The following CDH3 variants were observed in gnomAD, a reference collection of about 807,000 sequenced individuals.
CDH3 encodes cadherin-3.
In CDH3, 54 loss-of-function variants were observed where a neutral mutation model predicts 82.0. The ratio of observed to expected loss-of-function variants is 0.66; its 90% CI spans 0.53 to 0.83. The LOEUF (loss-of-function observed/expected upper bound fraction) is 0.83. CDH3 is among the 40% of genes least tolerant of loss of function. The pLI is 0.00. For synonymous variants in CDH3, 446 were observed against 437.9 expected (o/e 1.02, Z -0.23); for missense variants, 1,054 against 1,084.6 (o/e 0.97, Z 0.40).
At chr16:68,693,244 G>T (rs1274355500) in intron 13 of CDH3, among the ~76,000 whole-genome samples, 1 of 152,190 alleles carries the variant, frequency 6.6e-6, no homozygotes, top group Non-Finnish European at 1.5e-5. Context: ...GAGCAGAGGG[G>T]TGATGTGATT....
chr16:68,726,488 A>C (rs1338918761), intron 2 of CDH3, among the ~76,000 whole-genome samples: 1 of 151,426 alleles, frequency 6.6e-6, no homozygotes, highest in Non-Finnish European at 1.5e-5. Flanking sequence ...ACAAAACCCC[A>C]CCCTGATCTT....
chr16:68,662,507 G>A (rs1354985741), intron 2 of CDH3, among the ~76,000 whole-genome samples: 2 of 149,388 alleles, frequency 1.3e-5, no homozygotes, highest in South Asian at 2.1e-4. Context: ...AGTGGCTCAC[G>A]TCTGTAATCC....
At chr16:68,710,950 AGAGGG>A (rs1201292969) in intron 1 of CDH3, among the ~76,000 whole-genome samples, 2 of 104,470 alleles carry the variant, frequency 1.9e-5, no homozygotes, top group East Asian at 7.4e-4. Flanking sequence ...GGAGGGGAGG[AGAGGG>A]GAGGGGAGGG....
chr16:68,672,156 G>T (rs894895544), intron 2 of CDH3, among the ~76,000 whole-genome samples: 1 of 147,466 alleles, frequency 6.8e-6, no homozygotes, highest in South Asian at 2.1e-4. Context: ...TTGCGCCACT[G>T]CACTCCAGCC....
chr16:68,715,422 C>CAAAAAAAAA lies in CDH3; in HGVS notation c.100-7001_100-6993dup, dbSNP rs71148937. Among the ~76,000 whole-genome samples the CAAAAAAAAA allele has an allele frequency of 1.8e-4, 26 of 141,824 alleles. 1 individual carries two copies. Among genetic ancestry groups the CAAAAAAAAA allele is most frequent in the East Asian group, 4.1e-4 (2 of 4,846 alleles). The allele number at this position is 141,824 out of a possible 152,430, so 93.0% of individuals were successfully genotyped here. A position where few individuals can be genotyped will look rare whatever the true frequency, so the allele number is the denominator to read the frequency against. On this transcript the variant is annotated intron_variant, in intron 1 of 2. Transcript: ENST00000569080. ...AGCCTGGGCGACAGAGCACGACTCT[C>CAAAAAAAAA]AAAAAAAAAAGAAAGGATTTGAATC...
At chr16:68,656,007 T>C (rs1960402363) in intron 2 of CDH3, among the ~76,000 whole-genome samples, 1 of 152,092 alleles carries the variant, frequency 6.6e-6, no homozygotes, top group African/African-American at 2.4e-5. Flanking sequence ...GCAAGGGAGT[T>C]GGGCATGAGA....
At chr16:68,662,896 T>C (rs1189909684) in intron 2 of CDH3, among the ~76,000 whole-genome samples, 11 of 138,064 alleles carry the variant, frequency 8.0e-5, no homozygotes, top group Non-Finnish European at 1.7e-4. Context: ...TTTGAGACAG[T>C]CTTGCTCTGT....
rs139565232 is a variant in CDH3, at chr16:68,682,421, C to T, written c.1116C>T (p.Asp372=). 3.3e-5 allele frequency: 53 copies of T among 1,613,978 alleles called. No homozygotes were observed. The highest frequency in any genetic ancestry group is 2.8e-4 in the African/African-American group (21 of 74,912). Residue 372 remains aspartate (D), a synonymous_variant, in exon 9 of 16, where the codon GAC becomes GAT. Coordinates refer to ENST00000264012, the MANE Select transcript of CDH3 (RefSeq NM_001793.6). ...WRATYLIMGG[D]DGDHFTITTH... ...CCACCTACCTTATCATGGGCGGTGA[C>T]GACGGGGACCATTTTACCATCACCA...
chr16:68,680,940 A>G (rs1402378119), intron 7 of CDH3, 28 bp from the exon 8 acceptor site: 12 of 1,613,572 alleles, frequency 7.4e-6, no homozygotes, highest in African/African-American at 1.3e-5. Context: ...TAAACTCACA[A>G]TGGGCTTCCC....
At chr16:68,728,228 C>G (rs1174801325), downstream of CDH3, among the ~76,000 whole-genome samples, 4 of 152,094 alleles carry the variant, frequency 2.6e-5, no homozygotes, top group Non-Finnish European at 4.4e-5. Context: ...CGCAGTGGCA[C>G]GATCTCGGCT....
At chr16:68,719,236 C>G (rs1435527393) in intron 1 of CDH3, among the ~76,000 whole-genome samples, 1 of 138,102 alleles carries the variant, frequency 7.2e-6, no homozygotes, top group Non-Finnish European at 1.5e-5. Flanking sequence ...AAGAGTGAGA[C>G]TCCGTCTCAA....
downstream of CDH3, among the ~76,000 whole-genome samples, chr16:68,703,380 C>T (rs1378111065): frequency 6.6e-6 from 1 of 152,188 alleles, no homozygotes; most frequent in East Asian, 1.9e-4. Flanking sequence ...GGTGGCCACT[C>T]AGGAAAGGGC....
chr16:68,666,779 A>G (rs1388415487), intron 2 of CDH3, among the ~76,000 whole-genome samples: 1 of 152,170 alleles, frequency 6.6e-6, no homozygotes, highest in East Asian at 1.9e-4. Flanking sequence ...CCCCCTCTGC[A>G]AAATACTTTT....
intron 1 of CDH3, among the ~76,000 whole-genome samples, chr16:68,706,485 G>A (rs1961965536): frequency 6.6e-6 from 1 of 151,778 alleles, no homozygotes; most frequent in African/African-American, 2.4e-5. Flanking sequence ...CTGGCTGCCT[G>A]GGGACAGAAC....
At position 68,699,948 on chromosome 16, in the gene CDH3, C is replaced by T. The variant is rs921430188; in HGVS notation, c.*1548C>T. ...TTATTCAGTACTTTTAAAGGCCAGACAGGACTTCGATTATTTCCTCTAAAT... is the reference window on the plus strand; with the variant it reads ...TTATTCAGTACTTTTAAAGGCCAGATAGGACTTCGATTATTTCCTCTAAAT... On this transcript the variant is annotated 3_prime_UTR_variant, in exon 16 of 16. Coordinates refer to ENST00000264012, the MANE Select transcript of CDH3 (RefSeq NM_001793.6). 1 of 152,218 alleles carries T rather than the reference C, an allele frequency of 6.6e-6. No individual in the cohort carries two copies. The highest frequency in any genetic ancestry group is 2.4e-5 in the African/African-American group (1 of 41,456). 9.4% of individuals were successfully genotyped at this position (152,218 alleles called of 1,614,324 possible). A position where few individuals can be genotyped will look rare whatever the true frequency, so the allele number is the denominator to read the frequency against.
In CDH3 at chr16:68,695,307, G is replaced by GC. The variant is rs1961686856; in HGVS notation, c.2059dup (p.Leu687ProfsTer7). 1 of 1,614,094 alleles carries GC rather than the reference G, an allele frequency of 6.2e-7. No individual in the cohort carries two copies. The highest frequency in any genetic ancestry group is 1.3e-5 in the African/African-American group (1 of 75,010). On this transcript the variant is annotated frameshift_variant, in exon 14 of 16. Transcript: ENST00000264012. LOFTEE classifies it high-confidence loss of function. ...TGAGAAAGAAGCGGAAGATCAAGGA[G>GC]CCCCTCCTACTCCCAGAAGATGACA...
At chr16:68,717,709 G>A (rs762919708) in intron 1 of CDH3, among the ~76,000 whole-genome samples, 4 of 151,674 alleles carry the variant, frequency 2.6e-5, no homozygotes, top group South Asian at 2.1e-4. Flanking sequence ...GGAGTTAGAC[G>A]TTGCAGTGAG....
chr16:68,664,071 C>T (rs1597797714), intron 2 of CDH3, among the ~76,000 whole-genome samples: 4 of 151,200 alleles, frequency 2.6e-5, no homozygotes. Context: ...CCAACTTGCC[C>T]AAAGTCAGTG....
chr16:68,682,125 GGCT>G (rs1184605712), intron 8 of CDH3, among the ~76,000 whole-genome samples, 174 bp from the exon 9 acceptor site: 5 of 150,934 alleles, frequency 3.3e-5, no homozygotes, highest in Non-Finnish European at 7.4e-5. Context: ...GCAGCTGTGA[GGCT>G]GCTGCTGGGG....
Sources: allele counts gnomAD v4.1 joint callset (sites outside exome capture counted in the v4.1 genomes callset), GRCh38; gene constraint gnomAD v4.1.1; transcripts MANE v1.5; gene names NCBI Gene and HGNC (gene_info 2026-07-23, HGNC 2026-07-21).